The following METTL25 variants were observed in gnomAD, a reference collection of about 807,000 sequenced individuals.
The protein encoded by METTL25 is probable methyltransferase-like protein 25.
METTL25 carries 64 observed loss-of-function variants against 71.6 expected under a neutral mutation model. The ratio of observed to expected loss-of-function variants is 0.89; its 90% CI spans 0.73 to 1.10. METTL25 has a LOEUF of 1.10. Ranked by LOEUF, METTL25 falls within the 50% of genes least tolerant of loss-of-function variation. METTL25 has a pLI of 0.00. For missense variants in METTL25, 807 were observed against 707.0 expected (o/e 1.14, Z -1.60); for synonymous variants, 287 against 250.3 (o/e 1.15, Z -1.38).
At chr12:82,462,605 T>C (rs976952666) in intron 9 of METTL25, among the ~76,000 whole-genome samples, 1 of 152,168 alleles carries the variant, frequency 6.6e-6, no homozygotes, top group Non-Finnish European at 1.5e-5. Flanking sequence ...ACTCTCTTCA[T>C]TTTAAAATTT....
intron 9 of METTL25, among the ~76,000 whole-genome samples, chr12:82,473,417 C>T (rs1368588794): frequency 6.6e-6 from 1 of 152,120 alleles, no homozygotes; most frequent in African/African-American, 2.4e-5. Flanking sequence ...AGGGCTGCTT[C>T]TCAAGCCTGG....
At chr12:82,431,036 G>T (rs1889454399) in intron 6 of METTL25, 49 bp downstream of exon 6, 1 of 1,303,492 alleles carries the variant, frequency 7.7e-7, no homozygotes, top group Non-Finnish European at 1.1e-6. Context: ...AGATGTTGTA[G>T]AATTTATTAT....
intron 5 of METTL25, among the ~76,000 whole-genome samples, chr12:82,421,932 G>T (rs1888543777): frequency 6.6e-6 from 1 of 152,160 alleles, no homozygotes; most frequent in African/African-American, 2.4e-5. Flanking sequence ...AAAAGTCCAG[G>T]ACCTGACGGA....
rs1428820304 is a variant in METTL25 at position 82,358,770 on chromosome 12, A to T, written c.205A>T (p.Thr69Ser). Residue 69 changes from threonine (T) to serine (S), a missense_variant, in exon 1 of 12, where the codon ACG (threonine) becomes TCG (serine). By Grantham distance (58) the Thr-to-Ser change is moderately conservative (BLOSUM62 1). Transcript: ENST00000248306. ...TGCGCTGAGGAAGTCAGCGTCGGAG[A>T]CGGAGGCCCTGCCCTCAGAGACGCG... ...LAALRKSASETEALPSETRPL... is the reference protein window; with the variant it reads ...LAALRKSASESEALPSETRPL... 1 of 1,613,564 alleles carries T rather than the reference A, an allele frequency of 6.2e-7. No homozygotes were observed. The highest frequency in any genetic ancestry group is 8.5e-7 in the Non-Finnish European group (1 of 1,179,924).
chr12:82,407,782 A>C (rs2137046451), intron 5 of METTL25: 1 of 980,348 alleles, frequency 1.0e-6, no homozygotes, highest in East Asian at 1.1e-4. Flanking sequence ...AATAAGTGAT[A>C]GGAATAATGA....
In METTL25 at chr12:82,479,064, G is replaced by A; in HGVS notation, c.*40G>A. On this transcript the variant is annotated 3_prime_UTR_variant, in exon 12 of 12. Coordinates refer to ENST00000248306, the MANE Select transcript of METTL25 (RefSeq NM_032230.3). ...AATTATTAGATGTATTTCTCTATGA[G>A]ACCTGTTGCTGAGATTGCTTTTCTA... 1 of 1,549,854 alleles carries A rather than the reference G, an allele frequency of 6.5e-7. No individual in the cohort carries two copies. Among genetic ancestry groups the A allele is most frequent in the South Asian group, 1.1e-5 (1 of 89,188 alleles).
chr12:82,442,973 G>T (rs1890460841), intron 8 of METTL25, among the ~76,000 whole-genome samples: 1 of 149,686 alleles, frequency 6.7e-6, no homozygotes, highest in South Asian at 2.1e-4. Context: ...TGAACTGAAA[G>T]ATCAGAAGAA....
intron 2 of METTL25, among the ~76,000 whole-genome samples, chr12:82,388,120 T>C (rs1885226710): frequency 6.6e-6 from 1 of 152,062 alleles, no homozygotes; most frequent in African/African-American, 2.4e-5. Context: ...AACATTAGAT[T>C]CAGGTTATGC....
At chr12:82,425,101 T>C (rs967288546) in intron 5 of METTL25, among the ~76,000 whole-genome samples, 12 of 152,110 alleles carry the variant, frequency 7.9e-5, no homozygotes, top group African/African-American at 2.4e-4. Flanking sequence ...AGAGAAGGTA[T>C]AGTTAGGGGA....
intron 9 of METTL25, chr12:82,474,671 T>A (rs895625349): frequency 2.0e-5 from 3 of 152,222 alleles, no homozygotes; most frequent in Non-Finnish European, 4.4e-5. Flanking sequence ...GGGTTCTCCC[T>A]TGGCTTTTTT....
chr12:82,391,382 A>C (rs1885563142), intron 3 of METTL25, among the ~76,000 whole-genome samples: 1 of 152,066 alleles, frequency 6.6e-6, no homozygotes, highest in Admixed American at 6.6e-5. Context: ...TTTATTAAAA[A>C]TATAATGATG....
chr12:82,390,450 A>C (rs760613620), intron 3 of METTL25, among the ~76,000 whole-genome samples: 1 of 152,120 alleles, frequency 6.6e-6, no homozygotes, highest in Non-Finnish European at 1.5e-5. Context: ...GTAGATTTTA[A>C]AATAAGATTA....
At chr12:82,390,010 C>A in intron 3 of METTL25, 88 bp downstream of exon 3, 1 of 727,778 alleles carries the variant, frequency 1.4e-6, no homozygotes, top group Non-Finnish European at 2.4e-6. Flanking sequence ...TGTCAGCTAG[C>A]CTTTAAAATG....
intron 5 of METTL25, among the ~76,000 whole-genome samples, chr12:82,421,448 A>T (rs1221981925): frequency 6.6e-6 from 1 of 152,182 alleles, no homozygotes; most frequent in Non-Finnish European, 1.5e-5. Context: ...CTGAAACTTC[A>T]TGAGATCTAG....
At chr12:82,365,312 A>G (rs1345446261) in intron 1 of METTL25, among the ~76,000 whole-genome samples, 1 of 152,234 alleles carries the variant, frequency 6.6e-6, no homozygotes, top group Non-Finnish European at 1.5e-5. Context: ...GTGGAAATAT[A>G]GTACTTTATT....
At chr12:82,423,795 T>G (rs568689234) in intron 5 of METTL25, among the ~76,000 whole-genome samples, 2 of 152,326 alleles carry the variant, frequency 1.3e-5, no homozygotes, top group African/African-American at 4.8e-5. Context: ...ATGCTCATCA[T>G]CACTGGCCAT....
chr12:82,424,402 G>T (rs1213482218), intron 5 of METTL25, among the ~76,000 whole-genome samples: 1 of 152,090 alleles, frequency 6.6e-6, no homozygotes, highest in Non-Finnish European at 1.5e-5. Context: ...GGGGGAAGGG[G>T]GGAGGGATAG....
chr12:82,380,024 A>G (rs565832749), intron 1 of METTL25, among the ~76,000 whole-genome samples: 1 of 152,328 alleles, frequency 6.6e-6, no homozygotes, highest in South Asian at 2.1e-4. Context: ...AAAATTCTAT[A>G]TTCCAATAAA....
At chr12:82,407,982 G>T in intron 5 of METTL25, 1 of 984,462 alleles carries the variant, frequency 1.0e-6, no homozygotes, top group South Asian at 4.7e-5. Flanking sequence ...TTTTATAACA[G>T]TATTTCTCAA....
Sources: gnomAD v4.1 joint callset for allele counts (sites outside exome capture counted in the v4.1 genomes callset) on GRCh38, gnomAD v4.1.1 for gene constraint, MANE v1.5 for transcripts, NCBI Gene and HGNC (gene_info 2026-07-23, HGNC 2026-07-21) for gene names.